Variants in TTC28 observed in about 807,000 individuals in gnomAD.
TTC28 encodes tetratricopeptide repeat protein 28.
In TTC28, 61 loss-of-function variants were observed where a neutral mutation model predicts 198.0. That is an observed-to-expected ratio of 0.31 (90% CI 0.25 to 0.38). TTC28 has a LOEUF of 0.38. Among genes scored for constraint, TTC28 ranks in the 10% least tolerant of loss-of-function variants. The probability of loss-of-function intolerance (pLI) is 1.00; values close to 1 mark genes in which losing one functional copy is unlikely to be tolerated. For synonymous variants in TTC28, 1,171 were observed against 1,297.8 expected (o/e 0.90, Z 2.10); for missense variants, 2,678 against 3,164.0 (o/e 0.85, Z 3.69).
chr22:28,501,332 G>A (rs1230125190), intron 2 of TTC28, among the ~76,000 whole-genome samples: 2 of 147,128 alleles, frequency 1.4e-5, no homozygotes, highest in South Asian at 2.1e-4. Flanking sequence ...AAGATGTGAT[G>A]TATAAGGTGT....
At chr22:28,185,255 G>C (rs1715783644) in intron 5 of TTC28, among the ~76,000 whole-genome samples, 1 of 152,094 alleles carries the variant, frequency 6.6e-6, no homozygotes, top group African/African-American at 2.4e-5. Flanking sequence ...TGTCTACACA[G>C]AACTCACGGT....
chr22:28,031,517 T>G (rs1345844811), intron 12 of TTC28, among the ~76,000 whole-genome samples: 2 of 152,130 alleles, frequency 1.3e-5, no homozygotes, highest in Non-Finnish European at 2.9e-5. Flanking sequence ...GGGGCAGACC[T>G]CCTGTCGCTG....
At chr22:28,298,557 T>C (rs2044949407) in intron 3 of TTC28, among the ~76,000 whole-genome samples, 1 of 152,042 alleles carries the variant, frequency 6.6e-6, no homozygotes, top group Non-Finnish European at 1.5e-5. Flanking sequence ...AAGTAAATCC[T>C]TCCACCTCAG....
At chr22:28,037,678 C>T (rs1939421886) in intron 12 of TTC28, among the ~76,000 whole-genome samples, 1 of 152,266 alleles carries the variant, frequency 6.6e-6, no homozygotes, top group African/African-American at 2.4e-5. Flanking sequence ...GGCAATCAGG[C>T]AGGAGAAGGA....
At chr22:28,069,889 A>G (rs1244302292) in intron 12 of TTC28, among the ~76,000 whole-genome samples, 1 of 151,728 alleles carries the variant, frequency 6.6e-6, no homozygotes, top group Non-Finnish European at 1.5e-5. Context: ...AAAATACAAT[A>G]AAGTATTAGC....
chr22:28,154,098 G>A (rs1452817693), intron 6 of TTC28, among the ~76,000 whole-genome samples: 1 of 152,186 alleles, frequency 6.6e-6, no homozygotes, highest in African/African-American at 2.4e-5. Context: ...AAAGTGAGAT[G>A]AGAGATAATT....
At chr22:28,365,532 A>T (rs2145973858) in intron 2 of TTC28, among the ~76,000 whole-genome samples, 1 of 152,342 alleles carries the variant, frequency 6.6e-6, no homozygotes, top group East Asian at 1.9e-4. Context: ...TGCAAGCATA[A>T]GCCATCCATC....
intron 13 of TTC28, among the ~76,000 whole-genome samples, chr22:28,018,306 C>CGCGCACGCGCGCG (rs1451764096): frequency 4.1e-5 from 2 of 49,194 alleles, no homozygotes; most frequent in African/African-American, 6.0e-5. Context: ...TGTGCGCGCG[C>CGCGCACGCGCGCG]GGGGGGGGGG....
In TTC28 at chr22:28,225,368, A is replaced by G. The variant is rs556682985; in HGVS notation, c.934-61769T>C. On this transcript the variant is annotated intron_variant, in intron 5 of 22. Coordinates refer to ENST00000397906, the MANE Select transcript of TTC28 (RefSeq NM_001145418.2). ...AGAGATTCTGTTAAAAAAAAAAAGAAAAGAAGAAGAAGAAGAAGAAGAAGA... is the reference window on the plus strand; with the variant it reads ...AGAGATTCTGTTAAAAAAAAAAAGAGAAGAAGAAGAAGAAGAAGAAGAAGA... Among the ~76,000 whole-genome samples, 660 of 143,172 alleles carry G rather than the reference A, an allele frequency of 4.6e-3. 13 individuals carry two copies. The highest frequency in any genetic ancestry group is 0.017 in the African/African-American group (637 of 37,150). The allele number at this position is 143,172 out of a possible 152,430, so 93.9% of individuals were successfully genotyped here.
At chr22:28,520,231 T>C (rs2048876800) in intron 2 of TTC28, among the ~76,000 whole-genome samples, 2 of 152,198 alleles carry the variant, frequency 1.3e-5, no homozygotes, top group Admixed American at 1.3e-4. Flanking sequence ...TAATAATGCT[T>C]ATCCTTACAA....
chr22:28,073,464 A>G (rs929183957), intron 12 of TTC28, among the ~76,000 whole-genome samples: 1 of 152,234 alleles, frequency 6.6e-6, no homozygotes, highest in Admixed American at 6.5e-5. Flanking sequence ...GAGTGCTTGC[A>G]GATGCTCACC....
At chr22:28,529,508 G>T (rs1011219617) in intron 2 of TTC28, among the ~76,000 whole-genome samples, 1 of 152,212 alleles carries the variant, frequency 6.6e-6, no homozygotes, top group African/African-American at 2.4e-5. Context: ...AAAGGCAGCA[G>T]AAACTTCTGC....
chr22:28,513,177 T>C (rs1312152245), intron 2 of TTC28, among the ~76,000 whole-genome samples: 1 of 152,080 alleles, frequency 6.6e-6, no homozygotes, highest in Non-Finnish European at 1.5e-5. Context: ...ATACTGTAAG[T>C]AGTGCTTATT....
chr22:28,125,133 G>T (rs1025111060), intron 6 of TTC28, among the ~76,000 whole-genome samples: 1 of 152,154 alleles, frequency 6.6e-6, no homozygotes, highest in African/African-American at 2.4e-5. Context: ...TACTTGGAGG[G>T]ATGCAAAGTT....
At chr22:28,363,180 G>C (rs868301161) in intron 2 of TTC28, among the ~76,000 whole-genome samples, 7 of 152,228 alleles carry the variant, frequency 4.6e-5, no homozygotes, top group Admixed American at 1.3e-4. Flanking sequence ...TCATGGGCCG[G>C]ACCCAGGGTC....
intron 5 of TTC28, among the ~76,000 whole-genome samples, chr22:28,192,600 A>T (rs894006338): frequency 1.3e-5 from 2 of 152,174 alleles, no homozygotes; most frequent in Non-Finnish European, 2.9e-5. Flanking sequence ...ACCTTAAATG[A>T]CCTGATGGAG....
intron 2 of TTC28, among the ~76,000 whole-genome samples, chr22:28,508,763 A>C (rs757443388): frequency 9.9e-5 from 15 of 152,212 alleles, no homozygotes; most frequent in Non-Finnish European, 2.2e-4. Flanking sequence ...CTTAGACTTT[A>C]GACTCCCACA....
chr22:28,462,318 G>A (rs1219659186), intron 2 of TTC28, among the ~76,000 whole-genome samples: 2 of 152,094 alleles, frequency 1.3e-5, no homozygotes, highest in Admixed American at 6.5e-5. Context: ...GAGCCATAAT[G>A]TGGTTCCATC....
At chr22:28,285,690 T>C (rs1823398691) in intron 5 of TTC28, among the ~76,000 whole-genome samples, 1 of 152,176 alleles carries the variant, frequency 6.6e-6, no homozygotes, top group Non-Finnish European at 1.5e-5. Flanking sequence ...TACATATAAT[T>C]TGTATTCAGC....
Sources: allele counts gnomAD v4.1 joint callset (sites outside exome capture counted in the v4.1 genomes callset), GRCh38; gene constraint gnomAD v4.1.1; transcripts MANE v1.5; gene names NCBI Gene and HGNC (gene_info 2026-07-23, HGNC 2026-07-21).